The following CFAP46 variants were observed in gnomAD, a reference collection of about 807,000 sequenced individuals.
CFAP46 encodes the protein cilia- and flagella-associated protein 46.
In CFAP46, 245 loss-of-function variants were observed where a neutral mutation model predicts 325.7. The observed-to-expected ratio is 0.75, with a 90% CI of 0.68 to 0.84. CFAP46 has a LOEUF of 0.84. Among genes scored for constraint, CFAP46 ranks in the 40% least tolerant of loss-of-function variants. CFAP46 has a pLI of 0.00. For missense variants in CFAP46, 3,346 were observed against 3,543.0 expected (o/e 0.94, Z 1.41); for synonymous variants, 1,523 against 1,495.9 (o/e 1.02, Z -0.42).
chr10:132,820,481 CTGA>C (rs1394269168), intron 50 of CFAP46, among the ~76,000 whole-genome samples: 2 of 149,892 alleles, frequency 1.3e-5, no homozygotes, highest in Non-Finnish European at 1.5e-5. Context: ...GCTGTGAGTG[CTGA>C]TGTGTGCTGA....
chr10:132,908,596 G>A lies in CFAP46; in HGVS notation c.2796C>T (p.Pro932=), dbSNP rs1439185937. Residue 932 remains proline, a synonymous_variant, in exon 22 of 58, where the codon CCC becomes CCT. Transcript: ENST00000368586. ...KMASECNWSD[P]LVELQTLTRL... The stretch of plus-strand genomic sequence containing the variant: ...GCGTCAGGGTCTGCAGCTCCACCAG[G>A]GGGTCCGACCAGTTGCACTCGGAAG... 1.3e-6 allele frequency: 2 copies of A among 1,549,246 alleles called. No homozygotes were observed. Among genetic ancestry groups the A allele is most frequent in the Non-Finnish European group, 1.7e-6 (2 of 1,146,290 alleles).
At chr10:132,835,897 G>A (rs1448778835) in intron 46 of CFAP46, among the ~76,000 whole-genome samples, 1 of 39,502 alleles carries the variant, frequency 2.5e-5, no homozygotes, top group South Asian at 9.2e-4. Context: ...CCTTCCCCAT[G>A]CTCCCGTCCC....
chr10:132,870,550 C>T (rs970846160), intron 32 of CFAP46, among the ~76,000 whole-genome samples: 5 of 152,108 alleles, frequency 3.3e-5, no homozygotes, highest in Admixed American at 2.6e-4. Flanking sequence ...AAGGTGGAGC[C>T]GCCTCAGTGC....
Position 132,884,982 on chromosome 10 carries a change from C to A in CFAP46, c.3627+121G>T. Reference sequence around the variant, plus strand: ...CACGCGGTGCATTCTCTGTGCCCGTCAGCTGTGGCTGCTCTGCGTGCTGCC... The same window carrying A: ...CACGCGGTGCATTCTCTGTGCCCGTAAGCTGTGGCTGCTCTGCGTGCTGCC... On this transcript the variant is annotated intron_variant, in intron 27 of 57. Coordinates refer to ENST00000368586, the MANE Select transcript of CFAP46 (RefSeq NM_001200049.3). The surrounding 1 kb of genome is among the most constrained non-coding windows in gnomAD (Gnocchi z 5.4). 1 of 1,081,608 alleles carries A rather than the reference C, an allele frequency of 9.2e-7. No individual in the cohort carries two copies. Among genetic ancestry groups the A allele is most frequent in the Non-Finnish European group, 1.3e-6 (1 of 771,766 alleles). 67.0% of individuals were successfully genotyped at this position (1,081,608 alleles called of 1,614,324 possible).
At chr10:132,907,284 A>G (rs1392833134) in intron 22 of CFAP46, among the ~76,000 whole-genome samples, 1 of 152,276 alleles carries the variant, frequency 6.6e-6, no homozygotes. Flanking sequence ...TTACTGCAGA[A>G]ACATTTACAA....
chr10:132,909,289 G>A (rs1044036471), intron 20 of CFAP46, 45 bp from the exon 21 acceptor site: 5 of 1,382,486 alleles, frequency 3.6e-6, no homozygotes, highest in African/African-American at 1.4e-5. Context: ...AGCGTGCGGG[G>A]GGAGTCTGGA....
chr10:132,888,467 A>C (rs1238050936), intron 25 of CFAP46, among the ~76,000 whole-genome samples: 1 of 27,442 alleles, frequency 3.6e-5, no homozygotes, highest in Non-Finnish European at 6.0e-5. Context: ...TGCCGCCTGC[A>C]CCTGCCACCT....
chr10:132,877,808 C>T lies in CFAP46; in HGVS notation c.4212+73G>A. The T allele has an allele frequency of 1.3e-6, 2 of 1,508,674 alleles. No individual in the cohort carries two copies. Among genetic ancestry groups the T allele is most frequent in the South Asian group, 2.4e-5 (2 of 82,958 alleles). 93.5% of individuals were successfully genotyped at this position (1,508,674 alleles called of 1,614,324 possible). A position where few individuals can be genotyped will look rare whatever the true frequency, so the allele number is the denominator to read the frequency against. On this transcript the variant is annotated intron_variant, in intron 30 of 57. Transcript: ENST00000368586. This position sits in a 1 kb window ranked among gnomAD's most constrained non-coding sequence, Gnocchi z 5.7. ...GGCCGCCTGGGGCTCCTCCGAGAAC[C>T]CTGACAGGCAGGGAAACTGAGGCAC...
chr10:132,888,055 C>CTT (rs1849192694), intron 25 of CFAP46, among the ~76,000 whole-genome samples: 1 of 141,040 alleles, frequency 7.1e-6, no homozygotes, highest in Non-Finnish European at 1.5e-5. Context: ...CCTCTCCCCT[C>CTT]CTCTCTCTCT....
At chr10:132,927,246 TG>T (rs1242061810) in intron 9 of CFAP46, among the ~76,000 whole-genome samples, 1 of 152,202 alleles carries the variant, frequency 6.6e-6, no homozygotes, top group Non-Finnish European at 1.5e-5. Context: ...TCCTAGTCTG[TG>T]AGCGCAGGCG....
chr10:132,833,237 A>G, intron 50 of CFAP46, 121 bp downstream of exon 50: 1 of 1,018,732 alleles, frequency 9.8e-7, no homozygotes, highest in Non-Finnish European at 1.4e-6. Context: ...AAATGCCTAG[A>G]AAAATGTTGC....
chr10:132,835,049 C>T (rs567916043), intron 47 of CFAP46, among the ~76,000 whole-genome samples: 10 of 152,308 alleles, frequency 6.6e-5, no homozygotes, highest in Non-Finnish European at 1.3e-4. Context: ...CTGAGCTCTG[C>T]GGAGCAGAGT....
At chr10:132,926,362 C>T (rs531076030) in intron 10 of CFAP46, among the ~76,000 whole-genome samples, 10 of 152,258 alleles carry the variant, frequency 6.6e-5, no homozygotes, top group South Asian at 4.1e-4. Context: ...CCCACCAGGG[C>T]GGCGTGTAGG....
chr10:132,913,354 A>ATTTT, intron 17 of CFAP46, 96 bp from the exon 18 acceptor site: 1 of 406,172 alleles, frequency 2.5e-6, no homozygotes, highest in Non-Finnish European at 4.8e-6. Flanking sequence ...ACCAGGCTGC[A>ATTTT]GGGCAAGAAG....
intron 25 of CFAP46, among the ~76,000 whole-genome samples, chr10:132,888,356 CCGCCTGCACCT>C (rs1849199076): frequency 1.1e-5 from 1 of 87,154 alleles, no homozygotes; most frequent in Non-Finnish European, 2.2e-5. Context: ...TTCACCCCTG[CCGCCTGCACCT>C]GCCACCTTCA....
rs1246348079 is a variant in CFAP46, at chr10:132,814,563, T to C, written c.7285+14A>G. On this transcript the variant is annotated intron_variant, in intron 53 of 57. Transcript: ENST00000368586. ...TGGCGTGTGCCTGAACAGGGAGCCC[T>C]GTGCAGCACCCACCTGGGCCCTGGG... 6.4e-7 allele frequency: 1 copy of C among 1,556,780 alleles called. No individual in the cohort carries two copies. Among genetic ancestry groups the C allele is most frequent in the East Asian group, 2.4e-5 (1 of 42,040 alleles).
chr10:132,901,393 C>G (rs1050836928), intron 22 of CFAP46, among the ~76,000 whole-genome samples: 11 of 152,038 alleles, frequency 7.2e-5, no homozygotes, highest in African/African-American at 2.7e-4. Context: ...TTTTAGTATC[C>G]CAATTCATAT....
chr10:132,887,259 TTCTC>T (rs564258177), intron 25 of CFAP46, among the ~76,000 whole-genome samples: 1 of 96,064 alleles, frequency 1.0e-5, no homozygotes, highest in Non-Finnish European at 1.9e-5. Context: ...CCTCTCTCGC[TTCTC>T]TCTCTCCTCT....
chr10:132,924,530 G>T (rs181617215), intron 11 of CFAP46, among the ~76,000 whole-genome samples, 166 bp downstream of exon 11: 1 of 152,212 alleles, frequency 6.6e-6, no homozygotes, highest in Non-Finnish European at 1.5e-5. Context: ...AGGACCCGAC[G>T]TGCCTGGCCC....
Sources: gnomAD v4.1 joint callset for allele counts (sites outside exome capture counted in the v4.1 genomes callset) on GRCh38, gnomAD v4.1.1 for gene constraint, Gnocchi (gnomAD v3.1) non-coding constraint, MANE v1.5 for transcripts, NCBI Gene and HGNC (gene_info 2026-07-23, HGNC 2026-07-21) for gene names.